The following MGAT5 variants were observed in gnomAD, a reference collection of about 807,000 sequenced individuals.
MGAT5 encodes the protein alpha-1,6-mannosylglycoprotein 6-beta-N-acetylglucosaminyltransferase.
MGAT5 carries 30 observed loss-of-function variants against 94.3 expected under a neutral mutation model. The ratio of observed to expected loss-of-function variants is 0.32; its 90% CI spans 0.24 to 0.43. The LOEUF (loss-of-function observed/expected upper bound fraction) is 0.43. Ranked by LOEUF, MGAT5 falls within the 20% of genes least tolerant of loss-of-function variation. The pLI, the probability that MGAT5 is intolerant of heterozygous loss-of-function variation, is 1.00. For missense variants in MGAT5, 691 were observed against 905.5 expected (o/e 0.76, Z 3.04); for synonymous variants, 310 against 322.9 (o/e 0.96, Z 0.43).
chr2:134,142,835 G>A (rs56130713), intron 1 of MGAT5, among the ~76,000 whole-genome samples: 22,451 of 152,092 alleles, frequency 0.15, 1,849 homozygotes, highest in African/African-American at 0.22. Context: ...GCCCAGGCTG[G>A]TTTCAAACTC....
At chr2:134,153,979 G>C (rs1438031512) in intron 1 of MGAT5, among the ~76,000 whole-genome samples, 1 of 151,918 alleles carries the variant, frequency 6.6e-6, no homozygotes, top group Non-Finnish European at 1.5e-5. Context: ...GTAGCTCTTT[G>C]TTCTTATGCC....
intron 1 of MGAT5, among the ~76,000 whole-genome samples, chr2:134,143,923 GAGA>G (rs1686783551): frequency 6.6e-6 from 1 of 152,174 alleles, no homozygotes; most frequent in Non-Finnish European, 1.5e-5. Context: ...GGATGTGGGG[GAGA>G]AGAAGACATT....
At chr2:134,171,930 G>A (rs1324759462) in intron 1 of MGAT5, among the ~76,000 whole-genome samples, 1 of 152,136 alleles carries the variant, frequency 6.6e-6, no homozygotes, top group Admixed American at 6.5e-5. Flanking sequence ...TGGCACTCTG[G>A]TCCCAAAGAG....
chr2:134,162,117 G>T (rs1687764999), intron 1 of MGAT5, among the ~76,000 whole-genome samples: 1 of 152,000 alleles, frequency 6.6e-6, no homozygotes, highest in Non-Finnish European at 1.5e-5. Context: ...TTGAATCCAG[G>T]AAGTGGAGGT....
chr2:134,332,226 G>A (rs889111769), intron 4 of MGAT5, among the ~76,000 whole-genome samples: 1 of 152,016 alleles, frequency 6.6e-6, no homozygotes, highest in African/African-American at 2.4e-5. Context: ...CATGGTACTG[G>A]TACCAAAACA....
At chr2:134,142,664 A>G in intron 1 of MGAT5, among the ~76,000 whole-genome samples, 1 of 152,096 alleles carries the variant, frequency 6.6e-6, no homozygotes, top group East Asian at 1.9e-4. Flanking sequence ...GCAAGTTGCA[A>G]ATCCCATGGA....
rs1260435806 is a variant in MGAT5 at position 134,362,325 on chromosome 2, A to C, written c.1297A>C (p.Asn433His). Reference protein sequence around the residue: ...FLGFVVEQHLNSSDIHHINEI... With the variant: ...FLGFVVEQHLHSSDIHHINEI... Reference sequence around the variant, plus strand: ...GGGGTTTGTGGTTGAGCAGCACCTGAACTCCAGTGATATCCACCACATTAA... The same window carrying C: ...GGGGTTTGTGGTTGAGCAGCACCTGCACTCCAGTGATATCCACCACATTAA... Residue 433 changes from asparagine (N) to histidine (H), a missense_variant, in exon 10 of 16, where the codon AAC becomes CAC. Transcript: ENST00000281923. 1 of 1,614,020 alleles carries C rather than the reference A, an allele frequency of 6.2e-7. No individual in the cohort carries two copies.
intron 1 of MGAT5, among the ~76,000 whole-genome samples, chr2:134,137,504 C>T (rs1686464279): frequency 6.6e-6 from 1 of 152,218 alleles, no homozygotes; most frequent in Non-Finnish European, 1.5e-5. Flanking sequence ...CGTCAGGCTG[C>T]AGACTTGAAG....
chr2:134,194,564 A>G (rs1679404194), intron 1 of MGAT5, among the ~76,000 whole-genome samples: 2 of 152,152 alleles, frequency 1.3e-5, no homozygotes, highest in Admixed American at 6.5e-5. Context: ...GTTCGAATCA[A>G]TCTAATCTTT....
chr2:134,354,762 C>T (rs765449385), intron 9 of MGAT5, among the ~76,000 whole-genome samples: 3 of 152,114 alleles, frequency 2.0e-5, no homozygotes, highest in Non-Finnish European at 4.4e-5. Flanking sequence ...ATACTAAGGC[C>T]ATTTGATTAG....
At chr2:134,234,035 C>T (rs1335974096) in intron 1 of MGAT5, among the ~76,000 whole-genome samples, 1 of 152,196 alleles carries the variant, frequency 6.6e-6, no homozygotes, top group Non-Finnish European at 1.5e-5. Context: ...ACGCTAGATG[C>T]TATGTCCTTT....
chr2:134,122,164 G>A (rs1685641447), intron 1 of MGAT5, among the ~76,000 whole-genome samples: 1 of 151,862 alleles, frequency 6.6e-6, no homozygotes, highest in African/African-American at 2.4e-5. Flanking sequence ...GAGTGCAATG[G>A]TGCGATCTCG....
intron 1 of MGAT5, among the ~76,000 whole-genome samples, chr2:134,182,459 G>T (rs974019936): frequency 1.3e-5 from 2 of 152,174 alleles, no homozygotes; most frequent in African/African-American, 4.8e-5. Flanking sequence ...TGGTCTTTGT[G>T]AGAGTAGACC....
At chr2:134,321,267 T>A (rs1239647805) in intron 4 of MGAT5, among the ~76,000 whole-genome samples, 2 of 148,338 alleles carry the variant, frequency 1.3e-5, no homozygotes, top group Admixed American at 1.3e-4. Context: ...CCCTTTCTAC[T>A]TGAAAGAATT....
intron 1 of MGAT5, among the ~76,000 whole-genome samples, chr2:134,209,152 A>ATTTTTTTTTTTTTTTTTTTTTTTTTTTT (rs869116395): frequency 9.6e-5 from 2 of 20,780 alleles, no homozygotes; most frequent in Non-Finnish European, 1.3e-4. Context: ...TTTTTTTTTT[A>ATTTTTTTTTTTTTTTTTTTTTTTTTTTT]TTTTTTTTTT....
chr2:134,328,922 GTT>G (rs926909125), intron 4 of MGAT5, among the ~76,000 whole-genome samples: 2 of 151,916 alleles, frequency 1.3e-5, no homozygotes, highest in African/African-American at 4.8e-5. Flanking sequence ...AAGGAAGAGG[GTT>G]TCAAGTAGAA....
intron 1 of MGAT5, among the ~76,000 whole-genome samples, chr2:134,200,165 C>T (rs543695890): frequency 6.7e-6 from 1 of 149,402 alleles, no homozygotes; most frequent in Non-Finnish European, 1.5e-5. Context: ...CCATTCCCCC[C>T]CTGCCCCGCC....
At chr2:134,147,595 TA>T (rs58073087) in intron 1 of MGAT5, among the ~76,000 whole-genome samples, 2,223 of 111,770 alleles carry the variant, frequency 0.02, 42 homozygotes, top group African/African-American at 0.052. Context: ...ACAGAGTTAA[TA>T]AAAAAAAAAA....
Position 134,317,526 on chromosome 2 carries a change from C to T in MGAT5, c.407-3C>T. The T allele has an allele frequency of 2.6e-6, 4 of 1,554,034 alleles. No individual in the cohort carries two copies. The highest frequency in any genetic ancestry group is 3.5e-6 in the Non-Finnish European group (4 of 1,151,058). On this transcript the variant is annotated splice_region_variant and splice_polypyrimidine_tract_variant and intron_variant, in intron 2 of 15. Transcript: ENST00000281923. ...ATCCTTTGTTGTTTTTCATTCTTCACAGATATCATTAACGGAGCTCAAGAA... is the reference window on the plus strand; with the variant it reads ...ATCCTTTGTTGTTTTTCATTCTTCATAGATATCATTAACGGAGCTCAAGAA...
Sources: gnomAD v4.1 joint callset for allele counts (sites outside exome capture counted in the v4.1 genomes callset) on GRCh38, gnomAD v4.1.1 for gene constraint, MANE v1.5 for transcripts, NCBI Gene and HGNC (gene_info 2026-07-23, HGNC 2026-07-21) for gene names.